Variants in DNAJB11 observed in about 807,000 individuals in gnomAD.
The protein encoded by DNAJB11 is dnaJ homolog subfamily B member 11.
Under a neutral mutation model 47.2 loss-of-function variants are expected in DNAJB11, and 30 were observed. That is an observed-to-expected ratio of 0.64 (90% CI 0.48 to 0.86). The LOEUF (loss-of-function observed/expected upper bound fraction) is 0.86, where lower values mean the gene tolerates loss of function less well. DNAJB11 is among the 40% of genes least tolerant of loss of function. DNAJB11 has a pLI of 0.00. For synonymous variants in DNAJB11, 151 were observed against 159.9 expected, an observed-to-expected ratio of 0.94 and a Z score of 0.42; for missense variants, 357 against 440.2, an observed-to-expected ratio of 0.81 and a Z score of 1.69.
At position 186,584,523 on chromosome 3, in the gene DNAJB11, G is replaced by A; in HGVS notation, c.946G>A (p.Gly316Ser). The A allele has an allele frequency of 1.2e-6, 2 of 1,601,684 alleles. No homozygotes were observed. Among genetic ancestry groups the A allele is most frequent in the Non-Finnish European group, 1.7e-6 (2 of 1,176,092 alleles). ...CAACTTTGACAACAACAATATCAAG[G>A]GCTCTTTGATAATCACTTTTGATGT... is the stretch of plus-strand genomic sequence containing the variant. ...LPNFDNNNIK[G>S]SLIITFDVDF... Residue 316 changes from glycine (G) to serine (S), a missense_variant, in exon 9 of 10, where the codon GGC becomes AGC. Gly to Ser is a moderately conservative substitution (Grantham distance 56). Transcript: ENST00000265028.
intron 2 of DNAJB11, among the ~76,000 whole-genome samples, chr3:186,573,806 AT>A (rs1715172486): frequency 6.6e-6 from 1 of 152,164 alleles, no homozygotes; most frequent in Non-Finnish European, 1.5e-5. Context: ...TTTGCACTGT[AT>A]TTTCCATGAA....
At chr3:186,571,049 C>A in intron 1 of DNAJB11, 84 bp downstream of exon 1, 2 of 1,216,006 alleles carry the variant, frequency 1.6e-6, no homozygotes, top group Non-Finnish European at 2.3e-6. Context: ...AGTGGCATTG[C>A]CAGACTGACG....
chr3:186,575,366 CGCGTGTGT>C (rs1432362716), intron 2 of DNAJB11, among the ~76,000 whole-genome samples: 1 of 101,128 alleles, frequency 9.9e-6, no homozygotes, highest in Non-Finnish European at 2.2e-5. Context: ...CGCGCGCGCG[CGCGTGTGT>C]GTGTGTGTGT....
intron 4 of DNAJB11, chr3:186,579,176 T>G (rs1485284595): frequency 1.3e-5 from 2 of 152,264 alleles, no homozygotes; most frequent in Non-Finnish European, 2.9e-5. Context: ...TATGAGGTTA[T>G]TCATCTTTTT....
intron 4 of DNAJB11, chr3:186,579,738 G>C (rs1243999149): frequency 3.9e-5 from 6 of 152,284 alleles, no homozygotes; most frequent in African/African-American, 1.4e-4. Flanking sequence ...GTGTCTTGGG[G>C]TGTTTTTTGT....
In DNAJB11 at chr3:186,570,895, A is replaced by C; in HGVS notation, c.-3A>C. On this transcript the variant is annotated 5_prime_UTR_variant, in exon 1 of 10. Coordinates refer to ENST00000265028, the MANE Select transcript of DNAJB11 (RefSeq NM_016306.6). ...GTGGAACAGGACCCGGGACAGAGGA[A>C]CCATGGCTCCGCAGAACCTGAGCAC... 2.5e-6 allele frequency: 4 copies of C among 1,602,884 alleles called. No individual in the cohort carries two copies. Among genetic ancestry groups the C allele is most frequent in the Non-Finnish European group, 3.4e-6 (4 of 1,174,328 alleles).
chr3:186,576,140 A>G (rs1388395589), intron 3 of DNAJB11, among the ~76,000 whole-genome samples: 1 of 152,246 alleles, frequency 6.6e-6, no homozygotes, highest in Non-Finnish European at 1.5e-5. Context: ...CACTGAAAGG[A>G]CATTCCATCT....
At chr3:186,576,387 CCTTTATCT>C (rs1715295288) in intron 3 of DNAJB11, among the ~76,000 whole-genome samples, 1 of 152,146 alleles carries the variant, frequency 6.6e-6, no homozygotes, top group African/African-American at 2.4e-5. Context: ...GGGTAGAGGA[CCTTTATCT>C]CTTGCTTTCT....
intron 8 of DNAJB11, among the ~76,000 whole-genome samples, chr3:186,584,219 T>C (rs1715593310): frequency 6.6e-6 from 1 of 152,238 alleles, no homozygotes. Flanking sequence ...ACGAAAACCT[T>C]TCTTTGTTTA....
intron 5 of DNAJB11, 51 bp from the exon 6 acceptor site, chr3:186,581,944 T>G: frequency 7.0e-7 from 1 of 1,437,280 alleles, no homozygotes; most frequent in Non-Finnish European, 9.6e-7. Context: ...TATCTGATGT[T>G]TTGTTTATAT....
In DNAJB11 at chr3:186,583,935, G is replaced by T; in HGVS notation, c.811G>T (p.Val271Phe). Residue 271 changes from valine (V) to phenylalanine (F), a missense_variant, in exon 8 of 10, where the codon GTT becomes TTT. By Grantham distance (50) the Val-to-Phe change is conservative. Transcript: ENST00000265028. The part of the protein sequence containing the change: ...NVTISLVESL[V>F]GFEMDITHLD... ...GACAATCTCATTAGTTGAGTCACTG[G>T]TTGGCTTTGAGATGGATATTACTCA... 6.2e-7 allele frequency: 1 copy of T among 1,613,786 alleles called. No homozygotes were observed. Among genetic ancestry groups the T allele is most frequent in the Non-Finnish European group, 8.5e-7 (1 of 1,179,720 alleles).
chr3:186,571,014 C>CGG, intron 1 of DNAJB11, 49 bp downstream of exon 1: 1 of 246,570 alleles, frequency 4.1e-6, no homozygotes, highest in Non-Finnish European at 8.4e-6. Context: ...TCAGCCTTTG[C>CGG]TGGGGGGTGG....
In DNAJB11 at chr3:186,584,506, A is replaced by T; in HGVS notation, c.929A>T (p.Asp310Val). The change falls in exon 9 of 10, where the codon GAC becomes GTC. Residue 310 changes from aspartate (D) to valine (V), a missense_variant. Asp to Val is a radical substitution (Grantham distance 152). Transcript: ENST00000265028. ...WKKGEGLPNFDNNNIKGSLII... is the reference protein window; with the variant it reads ...WKKGEGLPNFVNNNIKGSLII... The stretch of plus-strand genomic sequence containing the variant: ...AAAGGGGAAGGGCTCCCCAACTTTG[A>T]CAACAACAATATCAAGGGCTCTTTG... The T allele has an allele frequency of 6.2e-7, 1 of 1,602,742 alleles. No homozygotes were observed. Among genetic ancestry groups the T allele is most frequent in the Non-Finnish European group, 8.5e-7 (1 of 1,176,600 alleles).
intron 6 of DNAJB11, among the ~76,000 whole-genome samples, chr3:186,582,515 A>C (rs1715519536): frequency 6.6e-6 from 1 of 152,242 alleles, no homozygotes; most frequent in Non-Finnish European, 1.5e-5. Context: ...AAATGGGTCA[A>C]GTTATGTACT....
chr3:186,581,506 AATG>A lies in DNAJB11; in HGVS notation c.593_595del (p.Asn198_Val199delinsIle). ...GGAGGTGGTCTGCGACGAATGCCCTAATGTCAAGTAAGTGAAAGCACCTTCTTT... is the reference window on the plus strand; with the variant it reads ...GGAGGTGGTCTGCGACGAATGCCCTATCAAGTAAGTGAAAGCACCTTCTTT... On this transcript the variant is annotated inframe_deletion, in exon 5 of 10. Transcript: ENST00000265028. 6.2e-7 allele frequency: 1 copy of A among 1,611,212 alleles called. No individual in the cohort carries two copies. Among genetic ancestry groups the A allele is most frequent in the Non-Finnish European group, 8.5e-7 (1 of 1,179,180 alleles).
intron 9 of DNAJB11, 47 bp downstream of exon 9, chr3:186,584,636 T>C (rs2108487141): frequency 1.5e-6 from 2 of 1,362,268 alleles, no homozygotes; most frequent in Middle Eastern, 2.1e-4. Flanking sequence ...TGTGTGTGTA[T>C]GTGTGTGTGT....
At position 186,570,938 on chromosome 3, in the gene DNAJB11, T is replaced by C; in HGVS notation, c.41T>C (p.Leu14Pro). 1 of 1,598,646 alleles carries C rather than the reference T, an allele frequency of 6.3e-7. No individual in the cohort carries two copies. Among genetic ancestry groups the C allele is most frequent in the Non-Finnish European group, 8.5e-7 (1 of 1,172,610 alleles). Residue 14 changes from leucine to proline, a missense_variant, in exon 1 of 10, where the codon CTA becomes CCA. Leu to Pro is a moderately conservative substitution (Grantham distance 98). Transcript: ENST00000265028. ...QNLSTFCLLL[L>P]YLIGAVIAGR... Reference sequence around the variant, plus strand: ...CTGAGCACCTTTTGCCTGTTGCTGCTATACCTCATCGGGGCGGTGATTGCC... The same window carrying C: ...CTGAGCACCTTTTGCCTGTTGCTGCCATACCTCATCGGGGCGGTGATTGCC...
At chr3:186,582,839 G>T in intron 7 of DNAJB11, 66 bp downstream of exon 7, 1 of 1,150,512 alleles carries the variant, frequency 8.7e-7, no homozygotes, top group South Asian at 1.3e-5. Flanking sequence ...GTGGCCACCA[G>T]AGCAGTTAGA....
Position 186,584,433 on chromosome 3 carries a change from C to G in DNAJB11, c.856C>G (p.His286Asp). 1.3e-6 allele frequency: 2 copies of G among 1,549,086 alleles called. No individual in the cohort carries two copies. The highest frequency in any genetic ancestry group is 1.7e-6 in the Non-Finnish European group (2 of 1,155,834). The change falls in exon 9 of 10, where the codon CAT becomes GAT. Residue 286 changes from histidine to aspartate, a missense_variant. By Grantham distance (81) the His-to-Asp change is moderately conservative (BLOSUM62 -1). Coordinates refer to ENST00000265028, the MANE Select transcript of DNAJB11 (RefSeq NM_016306.6). Reference sequence around the variant, plus strand: ...TACATTCCCTTTGGTTTTCTAGGTACATATTTCCCGGGATAAGATCACCAG... The same window carrying G: ...TACATTCCCTTTGGTTTTCTAGGTAGATATTTCCCGGGATAAGATCACCAG... Reference protein sequence around the residue: ...DITHLDGHKVHISRDKITRPG... With the variant: ...DITHLDGHKVDISRDKITRPG...
Sources: gnomAD v4.1 joint callset for allele counts (sites outside exome capture counted in the v4.1 genomes callset) on GRCh38, gnomAD v4.1.1 for gene constraint, MANE v1.5 for transcripts, NCBI Gene and HGNC (gene_info 2026-07-23, HGNC 2026-07-21) for gene names.